Variants in PIK3CA observed in about 807,000 individuals in gnomAD.
The protein encoded by PIK3CA is phosphatidylinositol-4,5-bisphosphate 3-kinase catalytic subunit alpha.
Under a neutral mutation model 138.2 loss-of-function variants are expected in PIK3CA, and 27 were observed. That is an observed-to-expected ratio of 0.20 (90% confidence interval 0.14 to 0.27). PIK3CA has a LOEUF of 0.27. PIK3CA is among the 10% of genes least tolerant of loss of function. The pLI is 1.00. For missense variants in PIK3CA, 544 were observed against 1,277.4 expected (o/e 0.43, Z 8.75); for synonymous variants, 358 against 413.2 (o/e 0.87, Z 1.62).
chr3:179,201,197 TG>T, intron 3 of PIK3CA, 92 bp from the exon 4 acceptor site: 1 of 1,030,080 alleles, frequency 9.7e-7, no homozygotes, highest in South Asian at 1.6e-5. Context: ...ATTTCTGATA[TG>T]GATAAAGTAA....
At chr3:179,178,391 GATTTCCACC>G (rs1391813632) in intron 1 of PIK3CA, among the ~76,000 whole-genome samples, 1 of 151,496 alleles carries the variant, frequency 6.6e-6, no homozygotes, top group African/African-American at 2.4e-5. Flanking sequence ...CACATGAAAA[GATTTCCACC>G]ATCATTATTA....
chr3:179,196,613 C>T (rs1167669597), intron 1 of PIK3CA, among the ~76,000 whole-genome samples: 7 of 152,114 alleles, frequency 4.6e-5, no homozygotes, highest in African/African-American at 1.7e-4. Flanking sequence ...TCTGTATTTT[C>T]GTGGGGGCTA....
chr3:179,174,346 CTGT>C (rs1321851178), intron 1 of PIK3CA, among the ~76,000 whole-genome samples: 35 of 88,810 alleles, frequency 3.9e-4, no homozygotes, highest in Middle Eastern at 0.014. Flanking sequence ...TGGCAAGCAC[CTGT>C]AATCCCAGCT....
intron 1 of PIK3CA, among the ~76,000 whole-genome samples, chr3:179,176,400 T>G (rs2108366591): frequency 6.6e-6 from 1 of 152,254 alleles, no homozygotes; most frequent in East Asian, 1.9e-4. Context: ...GTGAGGTTTT[T>G]GTTTGTTGTT....
Position 179,203,651 on chromosome 3 carries a change from T to A in PIK3CA, c.921T>A (p.Tyr307Ter), listed in dbSNP as rs2108392896. The change falls in exon 5 of 21, where the codon TAT becomes TAA. Residue 307 changes from tyrosine to a stop codon, truncating the protein, a stop_gained. Transcript: ENST00000263967. LOFTEE classifies it high-confidence loss of function. ...LPMDCFTMPS[Y>*]SRRISTATPY... The stretch of plus-strand genomic sequence containing the variant: ...TGGACTGTTTTACAATGCCATCTTA[T>A]TCCAGACGCATTTCCACAGCTACAC... The A allele has an allele frequency of 6.2e-7, 1 of 1,614,012 alleles. No individual in the cohort carries two copies. Among genetic ancestry groups the A allele is most frequent in the Non-Finnish European group, 8.5e-7 (1 of 1,179,976 alleles).
At chr3:179,187,454 C>T in intron 1 of PIK3CA, among the ~76,000 whole-genome samples, 1 of 141,514 alleles carries the variant, frequency 7.1e-6, no homozygotes, top group Non-Finnish European at 1.5e-5. Flanking sequence ...AGGAGAATTG[C>T]TTGAACCCGG....
At chr3:179,232,182 G>A (rs576306169) in intron 20 of PIK3CA, among the ~76,000 whole-genome samples, 2 of 151,998 alleles carry the variant, frequency 1.3e-5, no homozygotes, top group Non-Finnish European at 1.5e-5. Flanking sequence ...TTTATTATTT[G>A]CCTAGGCCAG....
At chr3:179,168,936 T>G (rs1171987094) in intron 1 of PIK3CA, 1 of 152,164 alleles carries the variant, frequency 6.6e-6, no homozygotes, top group African/African-American at 2.4e-5. Context: ...GTCTGGCTCT[T>G]TATGAGCCGT....
chr3:179,187,532 C>T (rs868508661), intron 1 of PIK3CA, among the ~76,000 whole-genome samples: 33 of 99,796 alleles, frequency 3.3e-4, no homozygotes, highest in African/African-American at 8.6e-4. Context: ...AGCAAGACTC[C>T]GCCTCAAAAA....
intron 6 of PIK3CA, 74 bp downstream of exon 6, chr3:179,204,662 A>T: frequency 2.7e-6 from 2 of 728,362 alleles, no homozygotes; most frequent in South Asian, 3.6e-5. Context: ...AAAGTAGTAT[A>T]TTTTTTTAGA....
chr3:179,155,965 T>A (rs1041615058), intron 1 of PIK3CA, among the ~76,000 whole-genome samples: 3 of 152,194 alleles, frequency 2.0e-5, no homozygotes, highest in Non-Finnish European at 4.4e-5. Context: ...TCAGAGCTTG[T>A]TTCTTCACCT....
intron 1 of PIK3CA, among the ~76,000 whole-genome samples, chr3:179,194,053 AT>A (rs1217202441): frequency 6.6e-6 from 1 of 151,906 alleles, no homozygotes; most frequent in Non-Finnish European, 1.5e-5. Context: ...TGATTTCTTA[AT>A]TTTAGGGATT....
At chr3:179,176,649 T>C (rs745739568) in intron 1 of PIK3CA, among the ~76,000 whole-genome samples, 12 of 152,196 alleles carry the variant, frequency 7.9e-5, no homozygotes, top group Admixed American at 2.0e-4. Flanking sequence ...TACAAGTCTA[T>C]ATCATTGATA....
At chr3:179,216,682 A>G (rs1464828392) in intron 9 of PIK3CA, among the ~76,000 whole-genome samples, 4 of 152,206 alleles carry the variant, frequency 2.6e-5, no homozygotes, top group Admixed American at 6.6e-5. Flanking sequence ...TGACAATGAT[A>G]TATTTATCTT....
At chr3:179,222,316 T>C (rs971030012) in intron 14 of PIK3CA, among the ~76,000 whole-genome samples, 1 of 152,158 alleles carries the variant, frequency 6.6e-6, no homozygotes, top group Non-Finnish European at 1.5e-5. Flanking sequence ...AAGTGTGATA[T>C]ATAAATTCAA....
rs1725388767 is a variant in PIK3CA at position 179,239,108 on chromosome 3, T to A, written c.*4744T>A. On this transcript the variant is annotated 3_prime_UTR_variant, in exon 21 of 21. Coordinates refer to ENST00000263967, the MANE Select transcript of PIK3CA (RefSeq NM_006218.4). ...AAGAGTTTTAGTGGAGGAAAAAAAT[T>A]AGTCCCTTGTGCGTATACAGTAGTT... is the stretch of plus-strand genomic sequence containing the variant. 4.6e-6 allele frequency: 1 copy of A among 215,516 alleles called. No individual in the cohort carries two copies. Among genetic ancestry groups the A allele is most frequent in the Non-Finnish European group, 9.4e-6 (1 of 106,850 alleles). The allele number at this position is 215,516 out of a possible 1,614,324, so 13.4% of individuals were successfully genotyped here. A position where few individuals can be genotyped will look rare whatever the true frequency, so the allele number is the denominator to read the frequency against.
intron 1 of PIK3CA, among the ~76,000 whole-genome samples, chr3:179,158,510 A>G (rs568017607): frequency 2.0e-5 from 3 of 152,150 alleles, no homozygotes; most frequent in Admixed American, 2.0e-4. Context: ...TTTTTCATGC[A>G]CTAAAGACAA....
At chr3:179,165,685 G>T (rs1200549180) in intron 1 of PIK3CA, among the ~76,000 whole-genome samples, 1 of 152,122 alleles carries the variant, frequency 6.6e-6, no homozygotes, top group Non-Finnish European at 1.5e-5. Flanking sequence ...TCACAATTTG[G>T]CATCAGCCTT....
intron 1 of PIK3CA, among the ~76,000 whole-genome samples, chr3:179,152,249 TACAC>T (rs1203674081): frequency 1.3e-5 from 2 of 152,186 alleles, no homozygotes; most frequent in African/African-American, 2.4e-5. Flanking sequence ...CTCAGACATA[TACAC>T]ACACACGCAA....
Sources: gnomAD v4.1 joint callset for allele counts (sites outside exome capture counted in the v4.1 genomes callset) on GRCh38, gnomAD v4.1.1 for gene constraint, MANE v1.5 for transcripts, NCBI Gene and HGNC (gene_info 2026-07-23, HGNC 2026-07-21) for gene names.